The following MEGF11 variants were observed in gnomAD, a reference collection of about 807,000 sequenced individuals.
MEGF11 encodes the protein multiple epidermal growth factor-like domains protein 11.
In MEGF11, 126 loss-of-function variants were observed where a neutral mutation model predicts 146.6. The ratio of observed to expected loss-of-function variants is 0.86; its 90% CI spans 0.74 to 1.00. The LOEUF is 1.00. Among genes scored for constraint, MEGF11 ranks in the 50% least tolerant of loss-of-function variants. The probability of loss-of-function intolerance (pLI) is 0.00; values close to 1 mark genes in which losing one functional copy is unlikely to be tolerated. For missense variants in MEGF11, 1,509 were observed against 1,521.2 expected (o/e 0.99, Z 0.13); for synonymous variants, 532 against 583.4 (o/e 0.91, Z 1.27).
chr15:66,222,587 A>G (rs1045500375), intron 1 of MEGF11, among the ~76,000 whole-genome samples: 1 of 152,184 alleles, frequency 6.6e-6, no homozygotes, highest in African/African-American at 2.4e-5. Flanking sequence ...GGTCTCATTC[A>G]TCCTGGCTTC....
chr15:66,152,961 C>T (rs1240005627), intron 1 of MEGF11, among the ~76,000 whole-genome samples: 2 of 152,216 alleles, frequency 1.3e-5, no homozygotes, highest in Non-Finnish European at 2.9e-5. Flanking sequence ...ATGCCGGTCC[C>T]GCCTTGACAG....
intron 5 of MEGF11, among the ~76,000 whole-genome samples, chr15:65,991,570 C>T (rs1420295746): frequency 6.6e-6 from 1 of 152,226 alleles, no homozygotes; most frequent in African/African-American, 2.4e-5. Flanking sequence ...CTCCCCGACA[C>T]ACATACACAC....
intron 5 of MEGF11, 97 bp downstream of exon 5, chr15:66,094,305 C>T: frequency 9.6e-7 from 1 of 1,043,536 alleles, no homozygotes; most frequent in Non-Finnish European, 1.4e-6. Context: ...CCAAGTCGCC[C>T]CAGCACAACA....
At chr15:66,061,825 CAG>C (rs1201646290) in intron 5 of MEGF11, among the ~76,000 whole-genome samples, 1 of 152,154 alleles carries the variant, frequency 6.6e-6, no homozygotes, top group African/African-American at 2.4e-5. Flanking sequence ...TTTGTAGAAA[CAG>C]GGTCTCCCTA....
At chr15:66,183,946 T>C (rs1403155915) in intron 1 of MEGF11, among the ~76,000 whole-genome samples, 6 of 152,150 alleles carry the variant, frequency 3.9e-5, no homozygotes, top group Admixed American at 3.9e-4. Context: ...AAAATAATTA[T>C]GCTGCATGAA....
At chr15:66,112,173 T>C (rs1339856513) in intron 4 of MEGF11, among the ~76,000 whole-genome samples, 2 of 151,784 alleles carry the variant, frequency 1.3e-5, no homozygotes, top group Non-Finnish European at 2.9e-5. Flanking sequence ...CTCTAGGAAC[T>C]TGAGCTAATA....
At chr15:66,245,025 C>T (rs2092274523) in intron 1 of MEGF11, among the ~76,000 whole-genome samples, 2 of 152,134 alleles carry the variant, frequency 1.3e-5, no homozygotes, top group South Asian at 2.1e-4. Context: ...GCAATAATTG[C>T]TACAGAAGTT....
chr15:66,099,692 G>C (rs948357040), intron 4 of MEGF11, among the ~76,000 whole-genome samples: 5 of 152,204 alleles, frequency 3.3e-5, no homozygotes, highest in African/African-American at 1.2e-4. Flanking sequence ...AAGTACCAGG[G>C]GTTAGTTATA....
chr15:65,981,385 T>C (rs1397841457), intron 6 of MEGF11, among the ~76,000 whole-genome samples: 1 of 152,182 alleles, frequency 6.6e-6, no homozygotes, highest in Non-Finnish European at 1.5e-5. Flanking sequence ...CCAGCTCCCA[T>C]GACAGGCTCA....
intron 4 of MEGF11, among the ~76,000 whole-genome samples, chr15:66,095,174 A>G (rs1351669364): frequency 1.3e-5 from 2 of 152,260 alleles, no homozygotes; most frequent in African/African-American, 4.8e-5. Flanking sequence ...GGGAGGTTAC[A>G]GCGGCAGGCA....
At chr15:65,955,781 T>TAG (rs2080588031) in intron 10 of MEGF11, among the ~76,000 whole-genome samples, 5 of 8,248 alleles carry the variant, frequency 6.1e-4, no homozygotes, top group South Asian at 0.015. Flanking sequence ...TATATATATA[T>TAG]ATATATATAT....
At chr15:66,066,331 C>G (rs2085124526) in intron 5 of MEGF11, among the ~76,000 whole-genome samples, 1 of 152,138 alleles carries the variant, frequency 6.6e-6, no homozygotes, top group South Asian at 2.1e-4. Context: ...GGTTGCTGAC[C>G]TCCCTCCCCA....
rs2078353633 is a variant in MEGF11, at chr15:65,896,057, C to T, written c.*1877G>A. 6.6e-6 allele frequency: 1 copy of T among 152,288 alleles called. No individual in the cohort carries two copies. Among genetic ancestry groups the T allele is most frequent in the African/African-American group, 2.4e-5 (1 of 41,448 alleles). 9.4% of individuals were successfully genotyped at this position (152,288 alleles called of 1,614,324 possible). The stretch of plus-strand genomic sequence containing the variant: ...TTGAAGTTTCTCCTTGCTGATCTGA[C>T]ATCTTCATGCTGCTCATCCTTGCTT... On this transcript the variant is annotated 3_prime_UTR_variant, in exon 26 of 26. Coordinates refer to ENST00000395614, the MANE Select transcript of MEGF11 (RefSeq NM_001385028.1).
intron 24 of MEGF11, chr15:65,902,439 C>T (rs1043480137): frequency 6.6e-6 from 1 of 152,238 alleles, no homozygotes; most frequent in Non-Finnish European, 1.5e-5. Context: ...CTCTTCTGTA[C>T]CCCATCTCTA....
intron 20 of MEGF11, 76 bp downstream of exon 20, chr15:65,913,661 C>T (rs2078889247): frequency 7.4e-7 from 1 of 1,347,716 alleles, no homozygotes; most frequent in Non-Finnish European, 1.0e-6. Flanking sequence ...CAGCAGCCAA[C>T]CCTACAGGCA....
chr15:65,995,913 G>C (rs2082182185), intron 5 of MEGF11, among the ~76,000 whole-genome samples: 1 of 152,210 alleles, frequency 6.6e-6, no homozygotes, highest in African/African-American at 2.4e-5. Context: ...TGCTTTACAA[G>C]TAGTATCTTA....
At chr15:65,962,885 C>G (rs1246862200) in intron 9 of MEGF11, among the ~76,000 whole-genome samples, 1 of 152,110 alleles carries the variant, frequency 6.6e-6, no homozygotes, top group Non-Finnish European at 1.5e-5. Context: ...CCTCCCAGTC[C>G]CTGAAACATG....
rs1039061865 is a variant in MEGF11 at position 65,916,303 on chromosome 15, A to G, written c.2216-27T>C. ...TAGAGAAACAGGATTTCCAGTCACG[A>G]GAGTTGCTGCTGGGTGGGGACAAGG... is the stretch of plus-strand genomic sequence containing the variant. On this transcript the variant is annotated intron_variant, in intron 17 of 25. Transcript: ENST00000395614. 5.8e-6 allele frequency: 9 copies of G among 1,544,686 alleles called. No homozygotes were observed. In the African/African-American group the frequency reaches 1.2e-4, roughly 21 times the overall value.
chr15:66,154,688 A>G (rs541921183), intron 1 of MEGF11, among the ~76,000 whole-genome samples: 2 of 152,356 alleles, frequency 1.3e-5, no homozygotes, highest in South Asian at 4.1e-4. Flanking sequence ...GAGACCTGCC[A>G]GAGAAAGACG....
Sources: allele counts gnomAD v4.1 joint callset (sites outside exome capture counted in the v4.1 genomes callset), GRCh38; gene constraint gnomAD v4.1.1; transcripts MANE v1.5; gene names NCBI Gene and HGNC (gene_info 2026-07-23, HGNC 2026-07-21).